Variants in DOCK2 observed in about 807,000 individuals in gnomAD.
DOCK2 encodes the protein dedicator of cytokinesis protein 2.
Under a neutral mutation model 248.9 loss-of-function variants are expected in DOCK2, and 87 were observed. That is an observed-to-expected ratio of 0.35 (90% CI 0.29 to 0.42). The LOEUF (loss-of-function observed/expected upper bound fraction) is 0.42, where lower values mean the gene tolerates loss of function less well. DOCK2 is among the 10% of genes least tolerant of loss of function. The pLI, the probability that DOCK2 is intolerant of heterozygous loss-of-function variation, is 1.00. For missense variants in DOCK2, 1,747 were observed against 2,300.2 expected (o/e 0.76, Z 4.92); for synonymous variants, 805 against 821.6 (o/e 0.98, Z 0.35).
chr5:169,727,124 C>T (rs538352832), intron 22 of DOCK2, among the ~76,000 whole-genome samples: 122 of 150,456 alleles, frequency 8.1e-4, no homozygotes, highest in Non-Finnish European at 1.3e-3. Context: ...GTCCATGGGA[C>T]GAAAGAGACT....
chr5:169,831,962 A>G (rs553591271), intron 26 of DOCK2, among the ~76,000 whole-genome samples: 2 of 152,300 alleles, frequency 1.3e-5, no homozygotes, highest in East Asian at 1.9e-4. Flanking sequence ...TATTGAAAGA[A>G]GTTGCCAGAG....
intron 27 of DOCK2, among the ~76,000 whole-genome samples, chr5:169,845,862 A>G (rs141068291): frequency 3.3e-5 from 5 of 152,364 alleles, no homozygotes; most frequent in South Asian, 2.1e-4. Context: ...GAAGGAAGCA[A>G]CAAACAGGGT....
At chr5:169,754,122 G>GGA (rs371977373) in intron 23 of DOCK2, among the ~76,000 whole-genome samples, 3 of 152,104 alleles carry the variant, frequency 2.0e-5, no homozygotes, top group Admixed American at 6.5e-5. Context: ...GAGAAAGGGA[G>GGA]GAGAGAGAGA....
chr5:169,875,644 G>C (rs1315935478), intron 27 of DOCK2: 1 of 188,638 alleles, frequency 5.3e-6, no homozygotes, highest in Non-Finnish European at 1.1e-5. Context: ...CCCTTCCTGA[G>C]CAACAGTTCC....
intron 8 of DOCK2, among the ~76,000 whole-genome samples, chr5:169,689,036 C>T (rs892569697): frequency 6.6e-5 from 10 of 152,132 alleles, no homozygotes; most frequent in South Asian, 2.1e-4. Context: ...GTGGCAAATA[C>T]GCATAGGTTA....
intron 25 of DOCK2, among the ~76,000 whole-genome samples, chr5:169,801,286 G>A (rs903538545): frequency 5.3e-5 from 8 of 149,758 alleles, no homozygotes; most frequent in Non-Finnish European, 5.9e-5. Flanking sequence ...ACAGGCGTAG[G>A]CCACCATGCC....
chr5:169,649,770 A>G (rs1247154469), intron 1 of DOCK2, among the ~76,000 whole-genome samples: 3 of 152,040 alleles, frequency 2.0e-5, no homozygotes, highest in African/African-American at 7.2e-5. Flanking sequence ...TGAAGATTAA[A>G]TGGGCTGATA....
chr5:169,829,080 A>G (rs1228841053), intron 26 of DOCK2, among the ~76,000 whole-genome samples: 1 of 152,180 alleles, frequency 6.6e-6, no homozygotes, highest in Non-Finnish European at 1.5e-5. Context: ...ATAAAAGGAA[A>G]CACTAGTTTG....
rs1045308810 is a variant in DOCK2, at chr5:169,843,379, A to C, written c.2799+2527A>C. 3.9e-5 allele frequency among the ~76,000 whole-genome samples: 6 copies of C among 152,148 alleles called. No individual in the cohort carries two copies. The South Asian group carries it at 1.2e-3, about 32-fold the overall frequency. On this transcript the variant is annotated intron_variant, in intron 27 of 51. Transcript: ENST00000520908. Reference sequence around the variant, plus strand: ...TCTACTAAAATACAAAAAATTAGCCAGGTGTGGTGGCAGGTGCCTGTAGTC... The same window carrying C: ...TCTACTAAAATACAAAAAATTAGCCCGGTGTGGTGGCAGGTGCCTGTAGTC...
chr5:170,067,749 C>T (rs1457284345), intron 45 of DOCK2, 63 bp downstream of exon 45: 1 of 1,564,680 alleles, frequency 6.4e-7, no homozygotes, highest in Non-Finnish European at 8.7e-7. Context: ...TGGGAGGACC[C>T]AGGGGGCAGA....
At position 170,034,540 on chromosome 5, in the gene DOCK2, C is replaced by T. The variant is rs1433800308; in HGVS notation, c.3609C>T (p.Cys1203=). 3.1e-6 allele frequency: 5 copies of T among 1,613,992 alleles called. No homozygotes were observed. Among genetic ancestry groups the T allele is most frequent in the South Asian group, 1.1e-5 (1 of 91,076 alleles). ...AGAGCAAAGACAACCGCATGAGCTGCACCGTGAACCTGCTGGTGCGTGGGG... is the reference window on the plus strand; with the variant it reads ...AGAGCAAAGACAACCGCATGAGCTGTACCGTGAACCTGCTGGTGCGTGGGG... ...TDESKDNRMS[C]TVNLLNFYKD... The change falls in exon 35 of 52, where the codon TGC becomes TGT. Residue 1203 remains cysteine, a synonymous_variant. Coordinates refer to ENST00000520908, the MANE Select transcript of DOCK2 (RefSeq NM_004946.3).
intron 33 of DOCK2, among the ~76,000 whole-genome samples, chr5:170,025,790 C>CCCTTCCTTCCTTCCTTCCTTCCTTCCTT (rs1193226351): frequency 1.5e-5 from 1 of 67,544 alleles, no homozygotes; most frequent in African/African-American, 5.1e-5. Flanking sequence ...CTCCTTCCCT[C>CCCTTCCTTCCTTCCTTCCTTCCTTCCTT]CCTTCCTTCC....
At chr5:169,780,338 T>TAA (rs1765641551) in intron 25 of DOCK2, among the ~76,000 whole-genome samples, 1 of 141,558 alleles carries the variant, frequency 7.1e-6, no homozygotes, top group Non-Finnish European at 1.6e-5. Flanking sequence ...TGTGTGTGTG[T>TAA]GTTGAATCGT....
intron 27 of DOCK2, among the ~76,000 whole-genome samples, chr5:169,930,880 G>A (rs1775719206): frequency 6.6e-6 from 1 of 152,060 alleles, no homozygotes; most frequent in African/African-American, 2.4e-5. Flanking sequence ...CAACAAATTA[G>A]CCATACACAT....
intron 25 of DOCK2, 106 bp from the exon 26 acceptor site, chr5:169,802,952 A>G (rs915488240): frequency 7.6e-7 from 1 of 1,316,446 alleles, no homozygotes; most frequent in Non-Finnish European, 1.0e-6. Context: ...TACAAGGAGA[A>G]TGTCTTCATG....
At chr5:170,053,117 A>G (rs1756976191) in intron 41 of DOCK2, among the ~76,000 whole-genome samples, 1 of 152,234 alleles carries the variant, frequency 6.6e-6, no homozygotes, top group South Asian at 2.1e-4. Flanking sequence ...CCGCGCATAC[A>G]TTCAGCCTGT....
At chr5:169,960,083 G>A (rs1422694) in intron 27 of DOCK2, among the ~76,000 whole-genome samples, 48,786 of 152,076 alleles carry the variant, frequency 0.32, 9,136 homozygotes, top group African/African-American at 0.52. Context: ...ATGAGGGAAC[G>A]GTCAGGTTGA....
At chr5:169,746,987 G>T (rs780781951) in intron 22 of DOCK2, among the ~76,000 whole-genome samples, 1 of 152,178 alleles carries the variant, frequency 6.6e-6, no homozygotes, top group Non-Finnish European at 1.5e-5. Flanking sequence ...AACAGACAAT[G>T]GGTGGCGGAA....
At chr5:169,785,282 G>A (rs550881119) in intron 25 of DOCK2, among the ~76,000 whole-genome samples, 9 of 152,292 alleles carry the variant, frequency 5.9e-5, no homozygotes, top group Admixed American at 1.3e-4. Flanking sequence ...AGGAACTGAT[G>A]CTGTATTTTA....
Sources: gnomAD v4.1 joint callset for allele counts (sites outside exome capture counted in the v4.1 genomes callset) on GRCh38, gnomAD v4.1.1 for gene constraint, MANE v1.5 for transcripts, NCBI Gene and HGNC (gene_info 2026-07-23, HGNC 2026-07-21) for gene names.